Variants in RYR2 observed in about 807,000 individuals in gnomAD.
RYR2 encodes ryanodine receptor 2, also known as cardiac muscle ryanodine receptor-calcium release channel.
RYR2 carries 227 observed loss-of-function variants against 601.1 expected under a neutral mutation model. That is an observed-to-expected ratio of 0.38 (90% confidence interval 0.34 to 0.42). The LOEUF (loss-of-function observed/expected upper bound fraction) is 0.42. RYR2 is among the 10% of genes least tolerant of loss of function. The pLI is 1.00. For missense variants in RYR2, 4,646 were observed against 6,156.5 expected (o/e 0.75, Z 8.21); for synonymous variants, 2,223 against 2,175.1 (o/e 1.02, Z -0.61).
intron 1 of RYR2, among the ~76,000 whole-genome samples, chr1:237,056,098 A>G (rs1427009319): frequency 6.7e-6 from 1 of 149,256 alleles, no homozygotes; most frequent in Admixed American, 6.6e-5. Context: ...GGACTGGAGC[A>G]TTGCATCTGT....
chr1:237,657,988 C>T lies in RYR2; in HGVS notation c.8174C>T (p.Ala2725Val). The stretch of plus-strand genomic sequence containing the variant: ...TTGGAATACTTCATTAACAAATATG[C>T]AGAACACTCCCATGACAAATGGTCA... ...EKLEYFINKY[A>V]EHSHDKWSMD... is the part of the protein sequence containing the mutation. Residue 2725 changes from alanine (A) to valine (V), a missense_variant, in exon 54 of 105, where the codon GCA becomes GTA. Physicochemically the swap from Ala to Val is moderately conservative, Grantham distance 64. Coordinates refer to ENST00000366574, the MANE Select transcript of RYR2 (RefSeq NM_001035.3). The T allele has an allele frequency of 6.6e-7, 1 of 1,517,894 alleles. No homozygotes were observed. The highest frequency in any genetic ancestry group is 8.9e-7 in the Non-Finnish European group (1 of 1,129,918). 94.0% of individuals were successfully genotyped at this position (1,517,894 alleles called of 1,614,324 possible).
Position 237,367,716 on chromosome 1 carries a change from A to G in RYR2, c.310-1818A>G, listed in dbSNP as rs773140692. 5.0e-4 allele frequency among the ~76,000 whole-genome samples: 76 copies of G among 152,300 alleles called. 1 individual carries two copies. In the Middle Eastern group the frequency reaches 0.01, roughly 20 times the overall value. ...CATGGTCTTTCCCTGATCTAATTTTATAATTCCTGTGAAGTTTTTCTGTGC... is the reference window on the plus strand; with the variant it reads ...CATGGTCTTTCCCTGATCTAATTTTGTAATTCCTGTGAAGTTTTTCTGTGC... On this transcript the variant is annotated intron_variant, in intron 5 of 104. Coordinates refer to ENST00000366574, the MANE Select transcript of RYR2 (RefSeq NM_001035.3).
intron 49 of RYR2, among the ~76,000 whole-genome samples, chr1:237,649,252 C>CT (rs1320231836): frequency 2.6e-5 from 4 of 152,112 alleles, no homozygotes; most frequent in African/African-American, 9.7e-5. Context: ...ATTAAATGTG[C>CT]TTTTTTGATT....
intron 24 of RYR2, among the ~76,000 whole-genome samples, chr1:237,520,042 T>C (rs975906109): frequency 6.6e-5 from 10 of 152,172 alleles, no homozygotes; most frequent in African/African-American, 2.4e-4. Flanking sequence ...GGTATTTCAA[T>C]GAGGTATTTT....
intron 1 of RYR2, among the ~76,000 whole-genome samples, chr1:237,176,248 A>AAT (rs893993198): frequency 3.0e-5 from 4 of 133,034 alleles, no homozygotes; most frequent in South Asian, 2.5e-4. Context: ...TAATGAAAAA[A>AAT]ATATATATAT....
At chr1:237,224,451 T>C (rs1452564022) in intron 1 of RYR2, among the ~76,000 whole-genome samples, 1 of 152,184 alleles carries the variant, frequency 6.6e-6, no homozygotes, top group East Asian at 1.9e-4. Context: ...CCAACCCCCA[T>C]GTCGTTCAAA....
Position 237,750,267 on chromosome 1 carries a change from GA to G in RYR2, c.11146-6012del, listed in dbSNP as rs529285019. On this transcript the variant is annotated intron_variant, in intron 80 of 104. Coordinates refer to ENST00000366574, the MANE Select transcript of RYR2 (RefSeq NM_001035.3). ...ATACATAACACAGTAAGCTGAAGGG[GA>G]AAAAAAAACTATTGAAAGACAAAGA... Among the ~76,000 whole-genome samples the G allele has an allele frequency of 9.3e-5, 14 of 151,066 alleles. No homozygotes were observed. The East Asian group carries it at 1.4e-3, about 15-fold the overall frequency.
intron 92 of RYR2, among the ~76,000 whole-genome samples, chr1:237,789,834 C>T (rs1330989436): frequency 6.6e-6 from 1 of 152,210 alleles, no homozygotes; most frequent in Non-Finnish European, 1.5e-5. Flanking sequence ...AACAAAGGCC[C>T]CTTTTCCCCT....
At chr1:237,288,861 C>A (rs1184691045) in intron 2 of RYR2, among the ~76,000 whole-genome samples, 1 of 152,124 alleles carries the variant, frequency 6.6e-6, no homozygotes, top group Non-Finnish European at 1.5e-5. Flanking sequence ...GTTACAAAGG[C>A]CAGCTAGAGA....
chr1:237,646,360 T>TA (rs1218190971), intron 48 of RYR2, among the ~76,000 whole-genome samples: 1 of 152,050 alleles, frequency 6.6e-6, no homozygotes, highest in Admixed American at 6.5e-5. Context: ...TTTTTTTTTT[T>TA]ACTGCTTTCC....
intron 2 of RYR2, 138 bp downstream of exon 2, chr1:237,270,754 A>G: frequency 3.1e-6 from 3 of 971,546 alleles, no homozygotes; most frequent in Non-Finnish European, 4.5e-6. Flanking sequence ...TTCCATCTCC[A>G]TTTTGCTGAT....
chr1:237,617,962 C>A (rs1678657254), intron 38 of RYR2, among the ~76,000 whole-genome samples: 1 of 152,110 alleles, frequency 6.6e-6, no homozygotes, highest in South Asian at 2.1e-4. Context: ...GAGGGTACAA[C>A]AGAACAAAGG....
At chr1:237,481,809 CAAAAAAA>C (rs553197529) in intron 17 of RYR2, among the ~76,000 whole-genome samples, 9 of 46,878 alleles carry the variant, frequency 1.9e-4, no homozygotes, top group African/African-American at 5.8e-4. Flanking sequence ...TGCTGTGTAG[CAAAAAAA>C]AAAAAAAAAA....
intron 24 of RYR2, among the ~76,000 whole-genome samples, chr1:237,517,333 T>C (rs1192657214): frequency 6.6e-6 from 1 of 152,224 alleles, no homozygotes; most frequent in Non-Finnish European, 1.5e-5. Flanking sequence ...AGTGTGTTTA[T>C]AACTCACCAC....
intron 2 of RYR2, among the ~76,000 whole-genome samples, chr1:237,301,720 C>G (rs1260661424): frequency 6.6e-6 from 1 of 152,196 alleles, no homozygotes; most frequent in Non-Finnish European, 1.5e-5. Context: ...GATCTGTAGT[C>G]TATCCAGAGT....
chr1:237,493,614 G>A (rs1663668589), intron 19 of RYR2, among the ~76,000 whole-genome samples: 1 of 151,948 alleles, frequency 6.6e-6, no homozygotes. Context: ...CACCACGCCT[G>A]GCTAATTTTT....
chr1:237,550,222 C>T (rs749856514), intron 26 of RYR2, among the ~76,000 whole-genome samples: 3 of 152,180 alleles, frequency 2.0e-5, no homozygotes, highest in Non-Finnish European at 2.9e-5. Flanking sequence ...GAACTGTACT[C>T]AGAAGTTATA....
chr1:237,310,330 C>G (rs574103809), intron 2 of RYR2, among the ~76,000 whole-genome samples: 1 of 152,256 alleles, frequency 6.6e-6, no homozygotes, highest in South Asian at 2.1e-4. Context: ...ACTTGGGTCC[C>G]CAATTCACTC....
intron 23 of RYR2, 118 bp downstream of exon 23, chr1:237,506,932 T>C (rs945835870): frequency 1.2e-6 from 1 of 857,638 alleles, no homozygotes; most frequent in South Asian, 1.5e-5. Context: ...TTGATTTTTT[T>C]CCCCCTACAC....
Sources: gnomAD v4.1 joint callset for allele counts (sites outside exome capture counted in the v4.1 genomes callset) on GRCh38, gnomAD v4.1.1 for gene constraint, MANE v1.5 for transcripts, NCBI Gene and HGNC (gene_info 2026-07-23, HGNC 2026-07-21) for gene names.